Variants in ZNF407 observed in about 807,000 individuals in gnomAD.
The protein encoded by ZNF407 is zinc finger protein 407.
In ZNF407, 17 loss-of-function variants were observed where a neutral mutation model predicts 131.2. That is an observed-to-expected ratio of 0.13 (90% confidence interval 0.09 to 0.19). The LOEUF is 0.19. ZNF407 is among the 10% of genes least tolerant of loss of function. ZNF407 has a pLI of 1.00. For synonymous variants in ZNF407, 1,156 were observed against 1,062.0 expected (o/e 1.09, Z -1.72); for missense variants, 2,681 against 2,830.6 (o/e 0.95, Z 1.20).
In ZNF407 at chr18:75,063,412, C is replaced by T. The variant is rs1364902772; in HGVS notation, c.5691C>T (p.Gly1897=). 1.3e-5 allele frequency: 21 copies of T among 1,610,376 alleles called. No homozygotes were observed. The highest frequency in any genetic ancestry group is 1.7e-5 in the Non-Finnish European group (20 of 1,178,844). Residue 1897 remains glycine (G), a synonymous_variant, in exon 9 of 9, where the codon GGC becomes GGT. Transcript: ENST00000299687. This position sits in a 1 kb window ranked among gnomAD's most constrained non-coding sequence, Gnocchi z 6.6. ...AATLQTLAMA[G]QVARVVHITE... ...CGCTGCAGACGCTGGCCATGGCCGG[C>T]CAGGTGGCCCGGGTGGTGCATATCA... is the stretch of plus-strand genomic sequence containing the variant.
chr18:74,649,024 C>G (rs1032943288), intron 3 of ZNF407, among the ~76,000 whole-genome samples: 5 of 152,208 alleles, frequency 3.3e-5, no homozygotes, highest in African/African-American at 1.2e-4. Flanking sequence ...TTTCCCCTGC[C>G]TTAGCATTAG....
chr18:74,887,235 A>C (rs1364511826), intron 6 of ZNF407, among the ~76,000 whole-genome samples: 1 of 152,134 alleles, frequency 6.6e-6, no homozygotes, highest in Non-Finnish European at 1.5e-5. Context: ...TCATAAAAGT[A>C]AATTTTTGTG....
chr18:74,726,908 T>C (rs953105950), intron 3 of ZNF407, among the ~76,000 whole-genome samples: 2 of 152,136 alleles, frequency 1.3e-5, no homozygotes, highest in Non-Finnish European at 2.9e-5. Context: ...GTGCATCTTA[T>C]TGGAGGTGAG....
intron 8 of ZNF407, among the ~76,000 whole-genome samples, chr18:74,960,775 G>A (rs1280015115): frequency 1.4e-5 from 2 of 146,748 alleles, no homozygotes; most frequent in Admixed American, 6.7e-5. Context: ...ACTGCATGGA[G>A]GGATAGGAGA....
intron 3 of ZNF407, among the ~76,000 whole-genome samples, chr18:74,723,800 G>A (rs1281226417): frequency 6.6e-6 from 1 of 151,984 alleles, no homozygotes; most frequent in Non-Finnish European, 1.5e-5. Context: ...AGTGAGGAGG[G>A]TTTGGATATA....
rs142095663 is a variant in ZNF407, at chr18:74,963,480, T to C, written c.5428+42788T>C. 2.5e-3 allele frequency among the ~76,000 whole-genome samples: 388 copies of C among 152,340 alleles called. 2 individuals carry two copies. Among genetic ancestry groups the C allele is most frequent in the Non-Finnish European group, 3.7e-3 (254 of 68,030 alleles). On this transcript the variant is annotated intron_variant, in intron 8 of 8. Coordinates refer to ENST00000299687, the MANE Select transcript of ZNF407 (RefSeq NM_017757.3). ...GTTACCTTTCTTGGTCAAACCCTGA[T>C]ACATTGTTAAGAACTACTCGATTTT...
intron 4 of ZNF407, among the ~76,000 whole-genome samples, chr18:74,852,727 G>A (rs1324175877): frequency 6.6e-6 from 1 of 152,148 alleles, no homozygotes. Flanking sequence ...TTAAATTAGA[G>A]TGTAAGGTGG....
intron 3 of ZNF407, among the ~76,000 whole-genome samples, chr18:74,719,558 C>G (rs1445305880): frequency 6.6e-6 from 1 of 152,166 alleles, no homozygotes; most frequent in Non-Finnish European, 1.5e-5. Flanking sequence ...CGCCACCACG[C>G]CCGGCTAATT....
chr18:74,640,687 G>A (rs1212745137), intron 2 of ZNF407, among the ~76,000 whole-genome samples: 4 of 152,154 alleles, frequency 2.6e-5, no homozygotes, highest in African/African-American at 9.6e-5. Context: ...ACTTTAAGAT[G>A]TATTTTTGTG....
intron 8 of ZNF407, chr18:74,920,905 T>A: frequency 8.1e-7 from 1 of 1,227,754 alleles, no homozygotes; most frequent in Non-Finnish European, 1.0e-6. Context: ...AAAAAGGAAA[T>A]CTGACAGAGT....
intron 3 of ZNF407, among the ~76,000 whole-genome samples, chr18:74,675,222 G>A (rs1986307245): frequency 6.6e-6 from 1 of 152,090 alleles, no homozygotes; most frequent in Admixed American, 6.6e-5. Flanking sequence ...TTTGGGTGTA[G>A]GTTCAGTTGC....
intron 8 of ZNF407, among the ~76,000 whole-genome samples, chr18:75,047,452 T>C (rs919444550): frequency 6.6e-6 from 1 of 152,244 alleles, no homozygotes; most frequent in African/African-American, 2.4e-5. Flanking sequence ...AAGGTGACTC[T>C]GCTGCCAGCA....
At chr18:74,943,686 CCCG>C (rs1483539012) in intron 8 of ZNF407, among the ~76,000 whole-genome samples, 13 of 152,162 alleles carry the variant, frequency 8.5e-5, no homozygotes, top group African/African-American at 3.1e-4. Context: ...TGGACTATTT[CCCG>C]TGAAGTAACT....
At chr18:74,697,173 C>T (rs939721695) in intron 3 of ZNF407, among the ~76,000 whole-genome samples, 2 of 152,108 alleles carry the variant, frequency 1.3e-5, no homozygotes, top group Non-Finnish European at 2.9e-5. Flanking sequence ...TTGACATGGA[C>T]GTTTGCATTT....
chr18:75,012,950 T>TAAA (rs34245737), intron 8 of ZNF407, among the ~76,000 whole-genome samples: 5 of 145,604 alleles, frequency 3.4e-5, no homozygotes, highest in African/African-American at 1.3e-4. Context: ...GGTCCTTTTT[T>TAAA]AAAAAAAAAA....
chr18:74,810,509 A>C (rs1456795075), intron 4 of ZNF407, among the ~76,000 whole-genome samples: 1 of 152,144 alleles, frequency 6.6e-6, no homozygotes, highest in Non-Finnish European at 1.5e-5. Flanking sequence ...AGAATAAATA[A>C]TGTGATTTGA....
At chr18:74,602,498 A>G (rs1455508237) in intron 1 of ZNF407, among the ~76,000 whole-genome samples, 2 of 152,188 alleles carry the variant, frequency 1.3e-5, no homozygotes, top group Non-Finnish European at 2.9e-5. Context: ...ATAAACATAG[A>G]ATTCAGTGGT....
intron 8 of ZNF407, among the ~76,000 whole-genome samples, chr18:75,012,292 CAT>C (rs1314434453): frequency 4.4e-5 from 5 of 112,746 alleles, no homozygotes; most frequent in Admixed American, 1.1e-4. Context: ...TGTATGTACA[CAT>C]AGTGTATGTA....
intron 4 of ZNF407, among the ~76,000 whole-genome samples, chr18:74,868,598 C>T (rs1319418178): frequency 1.3e-5 from 2 of 152,140 alleles, no homozygotes; most frequent in African/African-American, 4.8e-5. Context: ...GTAGCCTGTT[C>T]CCCCACAACC....
Sources: allele counts gnomAD v4.1 joint callset (sites outside exome capture counted in the v4.1 genomes callset), GRCh38; gene constraint gnomAD v4.1.1; non-coding constraint Gnocchi (gnomAD v3.1); transcripts MANE v1.5; gene names NCBI Gene and HGNC (gene_info 2026-07-23, HGNC 2026-07-21).